Variants in CACUL1 observed in about 807,000 individuals in gnomAD.
The protein encoded by CACUL1 is CDK2 associated cullin domain 1.
Under a neutral mutation model 45.2 loss-of-function variants are expected in CACUL1, and 13 were observed. The observed-to-expected ratio is 0.29, with a 90% CI of 0.19 to 0.46. The LOEUF is 0.46. Ranked by LOEUF, CACUL1 falls within the 20% of genes least tolerant of loss-of-function variation. CACUL1 has a pLI of 1.00. For synonymous variants in CACUL1, 197 were observed against 174.2 expected (o/e 1.13, Z -1.03); for missense variants, 421 against 471.4 (o/e 0.89, Z 0.99).
At chr10:118,735,267 T>C (rs1199933190) in intron 1 of CACUL1, among the ~76,000 whole-genome samples, 1 of 152,362 alleles carries the variant, frequency 6.6e-6, no homozygotes. Context: ...TACTATATAA[T>C]CCTTTTAAGG....
At chr10:118,686,955 G>A (rs570255191) in intron 7 of CACUL1, among the ~76,000 whole-genome samples, 1 of 152,158 alleles carries the variant, frequency 6.6e-6, no homozygotes, top group East Asian at 1.9e-4. Context: ...TGTGTCTCCA[G>A]CTTCTCAGAC....
chr10:118,700,162 T>G (rs538432314), intron 5 of CACUL1, among the ~76,000 whole-genome samples: 1 of 152,252 alleles, frequency 6.6e-6, no homozygotes, highest in African/African-American at 2.4e-5. Context: ...ACAATTCTTT[T>G]GTAGATTCTG....
chr10:118,741,742 A>C (rs1272206774), intron 1 of CACUL1, among the ~76,000 whole-genome samples: 1 of 152,174 alleles, frequency 6.6e-6, no homozygotes, highest in African/African-American at 2.4e-5. Flanking sequence ...ATCCGCTCTA[A>C]ATTAACACAC....
chr10:118,717,297 C>T (rs1845555993), intron 3 of CACUL1, among the ~76,000 whole-genome samples: 1 of 152,196 alleles, frequency 6.6e-6, no homozygotes, highest in Admixed American at 6.5e-5. Context: ...CTGCAAACTG[C>T]ACTGAAATCA....
intron 1 of CACUL1, among the ~76,000 whole-genome samples, chr10:118,743,410 A>G (rs1243213826): frequency 2.0e-5 from 3 of 152,190 alleles, no homozygotes; most frequent in African/African-American, 7.2e-5. Flanking sequence ...AAATTTTAAA[A>G]GTACCCAGGA....
At chr10:118,693,806 T>A (rs1845294505) in intron 6 of CACUL1, 1 of 445,032 alleles carries the variant, frequency 2.2e-6, no homozygotes, top group African/African-American at 2.0e-5. Context: ...TTTACTACTT[T>A]ATACAAGTAA....
chr10:118,743,716 G>A (rs1443382571), intron 1 of CACUL1, among the ~76,000 whole-genome samples: 1 of 151,582 alleles, frequency 6.6e-6, no homozygotes, highest in East Asian at 1.9e-4. Context: ...GCAACAAGAC[G>A]GAAACTCCGT....
At chr10:118,717,660 G>A (rs1478845199) in intron 3 of CACUL1, among the ~76,000 whole-genome samples, 1 of 152,188 alleles carries the variant, frequency 6.6e-6, no homozygotes, top group African/African-American at 2.4e-5. Flanking sequence ...GGTGATGGTA[G>A]TCATAAAAGC....
At chr10:118,724,715 G>C (rs985662241) in intron 3 of CACUL1, among the ~76,000 whole-genome samples, 1 of 152,214 alleles carries the variant, frequency 6.6e-6, no homozygotes, top group Non-Finnish European at 1.5e-5. Flanking sequence ...AGCCAATGAT[G>C]ACGTGGAAGA....
At chr10:118,745,383 G>A (rs1219767388) in intron 1 of CACUL1, among the ~76,000 whole-genome samples, 3 of 152,066 alleles carry the variant, frequency 2.0e-5, no homozygotes, top group African/African-American at 4.8e-5. Context: ...CCAACACGGC[G>A]AAACCTCACC....
chr10:118,699,325 A>C (rs1211333405), intron 5 of CACUL1, among the ~76,000 whole-genome samples: 1 of 152,208 alleles, frequency 6.6e-6, no homozygotes, highest in Non-Finnish European at 1.5e-5. Flanking sequence ...TGGAAATAAA[A>C]AGGTATATCC....
intron 6 of CACUL1, among the ~76,000 whole-genome samples, chr10:118,694,491 T>G (rs1161399685): frequency 1.3e-5 from 2 of 152,248 alleles, no homozygotes; most frequent in African/African-American, 4.8e-5. Context: ...CTGATAACTT[T>G]TGTAATCTCT....
chr10:118,710,888 G>T (rs1381792752), intron 3 of CACUL1, among the ~76,000 whole-genome samples: 1 of 152,082 alleles, frequency 6.6e-6, no homozygotes, highest in Non-Finnish European at 1.5e-5. Context: ...AATTCATTTT[G>T]CCCTCTAAAT....
intron 1 of CACUL1, among the ~76,000 whole-genome samples, chr10:118,742,193 A>G (rs1020422032): frequency 6.6e-6 from 1 of 152,248 alleles, no homozygotes; most frequent in African/African-American, 2.4e-5. Context: ...GAATCAGCAT[A>G]CCTGCAACTA....
chr10:118,711,789 A>C (rs1375843841), intron 3 of CACUL1, among the ~76,000 whole-genome samples: 1 of 152,248 alleles, frequency 6.6e-6, no homozygotes, highest in African/African-American at 2.4e-5. Context: ...CTTTTTCTAC[A>C]AAGTAAAAAA....
Position 118,685,954 on chromosome 10 carries a change from T to G in CACUL1, c.*174A>C, listed in dbSNP as rs1313005215. On this transcript the variant is annotated 3_prime_UTR_variant, in exon 9 of 9. Coordinates refer to ENST00000369151, the MANE Select transcript of CACUL1 (RefSeq NM_153810.5). Reference sequence around the variant, plus strand: ...AAGTCTAGCAGCAACGTTTTTTTTTTTTTTAGTTTTTGTTTTAAAATTACA... The same window carrying G: ...AAGTCTAGCAGCAACGTTTTTTTTTGTTTTAGTTTTTGTTTTAAAATTACA... 1.7e-5 allele frequency: 7 copies of G among 418,822 alleles called. No homozygotes were observed. Among genetic ancestry groups the G allele is most frequent in the Non-Finnish European group, 2.6e-5 (6 of 232,884 alleles). 25.9% of individuals were successfully genotyped at this position (418,822 alleles called of 1,614,324 possible).
At chr10:118,689,734 T>C (rs1238240709) in intron 7 of CACUL1, among the ~76,000 whole-genome samples, 3 of 152,166 alleles carry the variant, frequency 2.0e-5, no homozygotes, top group South Asian at 2.1e-4. Flanking sequence ...CTTATTCCAG[T>C]ACCAAAATTA....
chr10:118,680,561 A>G lies in CACUL1; in HGVS notation c.*5567T>C, dbSNP rs1845143012. On this transcript the variant is annotated 3_prime_UTR_variant, in exon 9 of 9. Coordinates refer to ENST00000369151, the MANE Select transcript of CACUL1 (RefSeq NM_153810.5). ...TAACCTAGGGGATGACACTAATTTC[A>G]TAGCAAGAAAACACAAAGGGTTATA... The G allele has an allele frequency of 6.6e-6, 1 of 152,238 alleles. No homozygotes were observed. The highest frequency in any genetic ancestry group is 2.4e-5 in the African/African-American group (1 of 41,468). The allele number at this position is 152,238 out of a possible 1,614,324, so 9.4% of individuals were successfully genotyped here. A position where few individuals can be genotyped will look rare whatever the true frequency, so the allele number is the denominator to read the frequency against.
intron 3 of CACUL1, among the ~76,000 whole-genome samples, chr10:118,709,394 T>C (rs562527443): frequency 6.6e-6 from 1 of 152,266 alleles, no homozygotes; most frequent in African/African-American, 2.4e-5. Flanking sequence ...TCTCTAAAGC[T>C]AAATTAATTA....
Sources: allele counts gnomAD v4.1 joint callset (sites outside exome capture counted in the v4.1 genomes callset), GRCh38; gene constraint gnomAD v4.1.1; transcripts MANE v1.5; gene names NCBI Gene and HGNC (gene_info 2026-07-23, HGNC 2026-07-21).